Variants in HEATR6 observed in about 807,000 individuals in gnomAD.
HEATR6 encodes HEAT repeat-containing protein 6.
In HEATR6, 106 loss-of-function variants were observed where a neutral mutation model predicts 132.8. That is an observed-to-expected ratio of 0.80 (90% CI 0.68 to 0.94). HEATR6 has a LOEUF of 0.94. Ranked by LOEUF, HEATR6 falls within the 40% of genes least tolerant of loss-of-function variation. The pLI is 0.00. For missense variants in HEATR6, 1,339 were observed against 1,425.1 expected, an observed-to-expected ratio of 0.94 and a Z score of 0.97; for synonymous variants, 529 against 537.8, an observed-to-expected ratio of 0.98 and a Z score of 0.23.
chr17:60,049,730 A>G, intron 15 of HEATR6, 28 bp from the exon 16 acceptor site: 1 of 1,607,734 alleles, frequency 6.2e-7, no homozygotes, highest in Non-Finnish European at 8.5e-7. Context: ...ACAAGGGAAA[A>G]ATGAGAATGA....
chr17:60,049,228 A>C (rs1906499451), intron 16 of HEATR6, among the ~76,000 whole-genome samples: 1 of 151,078 alleles, frequency 6.6e-6, no homozygotes, highest in Non-Finnish European at 1.5e-5. Context: ...TCCCAGGCTC[A>C]AGTGAGCCTC....
rs903229929 is a variant in HEATR6, at chr17:60,056,190, G to A, written c.2127C>T (p.Tyr709=). Residue 709 remains tyrosine, a synonymous_variant, in exon 13 of 20, where the codon TAC becomes TAT. Transcript: ENST00000184956. ...AAATCACCTCTCCAAGCTCCATCAA[G>A]TAGGCTTGAGTCATTGAAAAGTAGC... The part of the protein sequence containing the change: ...ARGYFSMTQA[Y]LMELGEVICK... The A allele has an allele frequency of 4.3e-6, 7 of 1,613,914 alleles. No individual in the cohort carries two copies. The highest frequency in any genetic ancestry group is 3.3e-5 in the Admixed American group (2 of 59,980).
Position 60,044,020 on chromosome 17 carries a change from C to G in HEATR6, c.3089G>C (p.Arg1030Thr), listed in dbSNP as rs766051456. The change falls in exon 20 of 20, where the codon AGA becomes ACA. Residue 1030 changes from arginine to threonine, a missense_variant. Coordinates refer to ENST00000184956, the MANE Select transcript of HEATR6 (RefSeq NM_022070.5). ...SAAALSVPGKREQYGSVDQYA... is the reference protein window; with the variant it reads ...SAAALSVPGKTEQYGSVDQYA... Reference sequence around the variant, plus strand: ...CTGGTCAACAGACCCGTACTGCTCTCTCTTCCCCGGGACGGAAAGGGCAGC... The same window carrying G: ...CTGGTCAACAGACCCGTACTGCTCTGTCTTCCCCGGGACGGAAAGGGCAGC... The G allele has an allele frequency of 2.5e-6, 4 of 1,614,180 alleles. No homozygotes were observed. The highest frequency in any genetic ancestry group is 1.6e-4 in the Middle Eastern group (1 of 6,062).
At chr17:60,049,389 C>G (rs544370518) in intron 16 of HEATR6, among the ~76,000 whole-genome samples, 191 bp downstream of exon 16, 1 of 152,200 alleles carries the variant, frequency 6.6e-6, no homozygotes, top group East Asian at 1.9e-4. Flanking sequence ...CTTGGCCTCC[C>G]AAAGTGCTGG....
In HEATR6 at chr17:60,067,750, T is replaced by C; in HGVS notation, c.940-18A>G. ...TTTTTATTCTGATTGTGGGAGCAAA[T>C]GAAGACATATATAATAACTACTTCA... On this transcript the variant is annotated intron_variant, in intron 7 of 19. Transcript: ENST00000184956. The C allele has an allele frequency of 1.3e-6, 2 of 1,594,810 alleles. No individual in the cohort carries two copies. The highest frequency in any genetic ancestry group is 8.5e-7 in the Non-Finnish European group (1 of 1,169,598).
rs1906862543 is a variant in HEATR6 at position 60,059,444 on chromosome 17, T to C, written c.1701A>G (p.Ile567Met). ...LSLLTKVWNQIKPYIRHKDVN... is the reference protein window; with the variant it reads ...LSLLTKVWNQMKPYIRHKDVN... The stretch of plus-strand genomic sequence containing the variant: ...AACCTTTGTGGCGAATATAAGGCTT[T>C]ATCTGGTTCCAGACTTTGGTCAGCA... Residue 567 changes from isoleucine (I) to methionine (M), a missense_variant, in exon 11 of 20, where the codon ATA (isoleucine) becomes ATG (methionine). Coordinates refer to ENST00000184956, the MANE Select transcript of HEATR6 (RefSeq NM_022070.5). The C allele has an allele frequency of 3.1e-6, 5 of 1,613,056 alleles. No homozygotes were observed. The highest frequency in any genetic ancestry group is 1.7e-4 in the Middle Eastern group (1 of 6,060).
At chr17:60,054,649 C>T (rs1030812937) in intron 14 of HEATR6, among the ~76,000 whole-genome samples, 4 of 152,232 alleles carry the variant, frequency 2.6e-5, no homozygotes, top group African/African-American at 9.6e-5. Flanking sequence ...TTTCTTTTGG[C>T]TGATTTCTCC....
At chr17:60,064,380 T>C (rs1425792755) in intron 9 of HEATR6, 1 of 155,166 alleles carries the variant, frequency 6.4e-6, no homozygotes. Flanking sequence ...TTCTAGCATA[T>C]GTCTTGGTGC....
chr17:60,066,010 C>T (rs2083238442), intron 9 of HEATR6, among the ~76,000 whole-genome samples, 199 bp downstream of exon 9: 2 of 152,206 alleles, frequency 1.3e-5, no homozygotes, highest in African/African-American at 4.8e-5. Context: ...GGGCAGGAAG[C>T]GATCCTACAT....
rs775740159 is a variant in HEATR6 at position 60,076,097 on chromosome 17, T to C, written c.327+33A>G. 89 of 1,256,092 alleles carry C rather than the reference T, an allele frequency of 7.1e-5. 2 individuals are homozygous for C. In the South Asian group the frequency reaches 7.9e-4, roughly 11 times the overall value. The allele number at this position is 1,256,092 out of a possible 1,614,324, so 77.8% of individuals were successfully genotyped here. On this transcript the variant is annotated intron_variant, in intron 2 of 19. Transcript: ENST00000184956. ...GGTATTTACTTACTCTCAAAGTTCATGATCTGAATTCTAGAGTTACATACA... is the reference window on the plus strand; with the variant it reads ...GGTATTTACTTACTCTCAAAGTTCACGATCTGAATTCTAGAGTTACATACA...
chr17:60,055,980 CTT>C (rs1468218746), intron 13 of HEATR6, 133 bp downstream of exon 13: 1 of 1,100,102 alleles, frequency 9.1e-7, no homozygotes, highest in African/African-American at 1.6e-5. Context: ...CCTGAAATCT[CTT>C]TAAGAAATCT....
Position 60,041,821 on chromosome 17 carries a change from G to A in HEATR6, c.*1742C>T, listed in dbSNP as rs1342684049. ...AAATGGAAGACACCTGCCTTTACAC[G>A]TGTATTTTAAGCTAAATAACCATGA... On this transcript the variant is annotated 3_prime_UTR_variant, in exon 20 of 20. Coordinates refer to ENST00000184956, the MANE Select transcript of HEATR6 (RefSeq NM_022070.5). 3.3e-5 allele frequency among the ~76,000 whole-genome samples: 5 copies of A among 152,154 alleles called. No individual in the cohort carries two copies. The highest frequency in any genetic ancestry group is 6.6e-5 in the Admixed American group (1 of 15,266).
In HEATR6 at chr17:60,078,732, G is replaced by C; in HGVS notation, c.183C>G (p.Ser61=). The change falls in exon 1 of 20, where the codon TCC becomes TCG. Residue 61 remains serine, a synonymous_variant. Transcript: ENST00000184956. ...CGCCACTGCCCTCGCTGTAGTTCTC[G>C]GAGATGAGCTGATCGAAGAGCAGGT... The part of the protein sequence containing the change: ...EIHLLFDQLI[S]ENYSEGSGVA... 6.4e-7 allele frequency: 1 copy of C among 1,555,128 alleles called. No homozygotes were observed. The highest frequency in any genetic ancestry group is 8.7e-7 in the Non-Finnish European group (1 of 1,150,674).
Position 60,076,225 on chromosome 17 carries a change from G to C in HEATR6, c.232C>G (p.Leu78Val), listed in dbSNP as rs552733926. The change falls in exon 2 of 20, where the codon CTT (leucine) becomes GTT (valine). Residue 78 changes from leucine (L) to valine (V), a missense_variant. Coordinates refer to ENST00000184956, the MANE Select transcript of HEATR6 (RefSeq NM_022070.5). ...ACCAGTCGGCAAGCCTGGACAAGAA[G>C]AGCACTAACGTCCTACCAAAAAAAA... ...SGVAPEDVSA[L>V]LVQACRLVPL... 4.3e-5 allele frequency: 69 copies of C among 1,599,276 alleles called. No individual in the cohort carries two copies. Among genetic ancestry groups the C allele is most frequent in the Non-Finnish European group, 5.5e-5 (64 of 1,171,280 alleles).
At chr17:60,073,987 A>AGT in intron 2 of HEATR6, 101 bp from the exon 3 acceptor site, 3 of 1,462,556 alleles carry the variant, frequency 2.1e-6, no homozygotes, top group Non-Finnish European at 2.7e-6. Context: ...TAAAAGAGAG[A>AGT]GTGTGTGTCT....
chr17:60,076,359 G>A, intron 1 of HEATR6, 122 bp from the exon 2 acceptor site: 2 of 601,908 alleles, frequency 3.3e-6, no homozygotes, highest in Middle Eastern at 2.6e-4. Flanking sequence ...GAAAATGTGA[G>A]GCAGGAAGGA....
intron 14 of HEATR6, among the ~76,000 whole-genome samples, chr17:60,054,228 C>G (rs1257410568): frequency 1.3e-5 from 2 of 152,374 alleles, no homozygotes; most frequent in South Asian, 4.1e-4. Context: ...TAAGCCTTAG[C>G]AGTTTCCATG....
rs1906712232 is a variant in HEATR6 at position 60,055,517 on chromosome 17, A to G, written c.2287T>C (p.Leu763=). 1.2e-6 allele frequency: 2 copies of G among 1,601,442 alleles called. No individual in the cohort carries two copies. The highest frequency in any genetic ancestry group is 8.5e-7 in the Non-Finnish European group (1 of 1,173,140). Reference sequence around the variant, plus strand: ...ACTATGAATTGACATTTATTTACCAAGAAGACTGGTGCTCTCTGATCAGGT... The same window carrying G: ...ACTATGAATTGACATTTATTTACCAGGAAGACTGGTGCTCTCTGATCAGGT... ...AAPDQRAPVF[L]VVMFWTMMLN... The change falls in exon 14 of 20, where the codon TTG becomes CTG. Residue 763 remains leucine (L), a splice_region_variant and synonymous_variant. Coordinates refer to ENST00000184956, the MANE Select transcript of HEATR6 (RefSeq NM_022070.5).
At chr17:60,048,489 A>G (rs1906447387) in intron 16 of HEATR6, 101 bp from the exon 17 acceptor site, 2 of 1,112,290 alleles carry the variant, frequency 1.8e-6, no homozygotes, top group East Asian at 5.5e-5. Context: ...CTTCATGCAC[A>G]TTTCTACTTA....
Sources: gnomAD v4.1 joint callset for allele counts (sites outside exome capture counted in the v4.1 genomes callset) on GRCh38, gnomAD v4.1.1 for gene constraint, MANE v1.5 for transcripts, NCBI Gene and HGNC (gene_info 2026-07-23, HGNC 2026-07-21) for gene names.